The following ERBB4 variants were observed in gnomAD, a reference collection of about 807,000 sequenced individuals.
ERBB4 encodes receptor tyrosine-protein kinase erbB-4.
ERBB4 carries 42 observed loss-of-function variants against 158.0 expected under a neutral mutation model. That is an observed-to-expected ratio of 0.27 (90% CI 0.21 to 0.34). The LOEUF is 0.34. ERBB4 is among the 10% of genes least tolerant of loss of function. The pLI is 1.00. For missense variants in ERBB4, 1,333 were observed against 1,624.1 expected (o/e 0.82, Z 3.08); for synonymous variants, 583 against 558.7 (o/e 1.04, Z -0.61).
In ERBB4 at chr2:211,705,395, G is replaced by GA. The variant is rs1559438673; in HGVS notation, c.1125-5dup. ...TTCAATTGCATTGTAAGGGTCCCTAGAAAATCAAGAAGAGATGTAGCCAAA... is the reference window on the plus strand; with the variant it reads ...TTCAATTGCATTGTAAGGGTCCCTAGAAAAATCAAGAAGAGATGTAGCCAAA... On this transcript the variant is annotated splice_polypyrimidine_tract_variant and splice_region_variant and intron_variant, in intron 9 of 27. Transcript: ENST00000342788. 2 of 1,597,992 alleles carry GA rather than the reference G, an allele frequency of 1.3e-6. No individual in the cohort carries two copies. The highest frequency in any genetic ancestry group is 3.3e-5 in the Admixed American group (2 of 59,948).
At chr2:211,888,887 CG>C (rs2078882453) in intron 3 of ERBB4, among the ~76,000 whole-genome samples, 1 of 151,812 alleles carries the variant, frequency 6.6e-6, no homozygotes, top group South Asian at 2.1e-4. Flanking sequence ...ACACCTGGCT[CG>C]GAGGGTCCTA....
chr2:212,056,807 T>C (rs1456571330), intron 2 of ERBB4, among the ~76,000 whole-genome samples: 2 of 152,130 alleles, frequency 1.3e-5, no homozygotes, highest in African/African-American at 2.4e-5. Flanking sequence ...ACAACTGGTA[T>C]CAGCCACTGC....
rs1345982922 is a variant in ERBB4 at position 212,267,053 on chromosome 2, AT to A, written c.83-142151del. Among the ~76,000 whole-genome samples, 8 of 132,170 alleles carry A rather than the reference AT, an allele frequency of 6.1e-5. No homozygotes were observed. In the East Asian group the frequency reaches 1.8e-3, roughly 30 times the overall value. 86.7% of individuals were successfully genotyped at this position (132,170 alleles called of 152,430 possible). Reference sequence around the variant, plus strand: ...AATGCCTAAATATGTAGTGTAGATCATTAAATGCTACTCGGAGCTTTTCTAA... The same window carrying A: ...AATGCCTAAATATGTAGTGTAGATCATAAATGCTACTCGGAGCTTTTCTAA... On this transcript the variant is annotated intron_variant, in intron 1 of 27. Transcript: ENST00000342788.
At chr2:212,085,634 T>C (rs1336232639) in intron 2 of ERBB4, among the ~76,000 whole-genome samples, 1 of 151,918 alleles carries the variant, frequency 6.6e-6, no homozygotes, top group Non-Finnish European at 1.5e-5. Context: ...GTAATATGAA[T>C]AGATTAAAAA....
chr2:212,357,868 A>G (rs1467943682), intron 1 of ERBB4, among the ~76,000 whole-genome samples: 1 of 151,886 alleles, frequency 6.6e-6, no homozygotes, highest in Admixed American at 6.6e-5. Context: ...GGAGGTTTAG[A>G]TAATGGTCAA....
rs541371790 is a variant in ERBB4 at position 211,733,813 on chromosome 2, G to T, written c.623-8619C>A. ...TACCCACAGAAGGGCCAGGAGTGGT[G>T]GCTCACACCTATACACCTAGCATTT... On this transcript the variant is annotated intron_variant, in intron 5 of 27. Coordinates refer to ENST00000342788, the MANE Select transcript of ERBB4 (RefSeq NM_005235.3). Among the ~76,000 whole-genome samples, 8 of 151,530 alleles carry T rather than the reference G, an allele frequency of 5.3e-5. 1 individual carries two copies. The highest frequency in any genetic ancestry group is 2.0e-4 in the African/African-American group (8 of 40,862).
At position 212,134,966 on chromosome 2, in the gene ERBB4, G is replaced by A. The variant is rs181150602; in HGVS notation, c.83-10063C>T. ...CTCCCAAAGTGCTGGGATTATAGGC[G>A]TGAGCCACCGCGCCTGGCCTACTAA... On this transcript the variant is annotated intron_variant, in intron 1 of 27. Transcript: ENST00000342788. Among the ~76,000 whole-genome samples the A allele has an allele frequency of 4.6e-4, 70 of 152,206 alleles. 1 individual carries two copies. The highest frequency in any genetic ancestry group is 1.5e-3 in the African/African-American group (64 of 41,538).
At chr2:212,120,356 G>T (rs965668460) in intron 2 of ERBB4, among the ~76,000 whole-genome samples, 1 of 152,162 alleles carries the variant, frequency 6.6e-6, no homozygotes. Flanking sequence ...CCTGGCCTGT[G>T]TGTGAGGTCA....
intron 1 of ERBB4, among the ~76,000 whole-genome samples, chr2:212,330,108 A>T (rs1375343487): frequency 6.6e-6 from 1 of 152,060 alleles, no homozygotes; most frequent in African/African-American, 2.4e-5. Flanking sequence ...GAAAAGAGGG[A>T]GTTTAAGCTT....
chr2:212,266,095 C>T (rs1256730029), intron 1 of ERBB4, among the ~76,000 whole-genome samples: 1 of 151,952 alleles, frequency 6.6e-6, no homozygotes, highest in East Asian at 1.9e-4. Context: ...GCCTCCGTCT[C>T]AATTGCATGC....
chr2:211,859,404 T>A (rs1241929560), intron 3 of ERBB4, among the ~76,000 whole-genome samples: 1 of 152,202 alleles, frequency 6.6e-6, no homozygotes, highest in African/African-American at 2.4e-5. Context: ...TAGAAAAATA[T>A]TTGGATTCAC....
intron 3 of ERBB4, among the ~76,000 whole-genome samples, chr2:211,863,970 A>T (rs1430687829): frequency 6.6e-6 from 1 of 152,102 alleles, no homozygotes; most frequent in African/African-American, 2.4e-5. Context: ...GGTAGGATCC[A>T]GAGTGAGCCT....
At chr2:211,459,155 G>A (rs2064463271) in intron 20 of ERBB4, among the ~76,000 whole-genome samples, 1 of 152,050 alleles carries the variant, frequency 6.6e-6, no homozygotes, top group Non-Finnish European at 1.5e-5. Flanking sequence ...TGATTATATA[G>A]CATGCATATG....
intron 12 of ERBB4, among the ~76,000 whole-genome samples, chr2:211,679,721 C>A (rs2072256434): frequency 1.3e-5 from 2 of 151,968 alleles, no homozygotes; most frequent in African/African-American, 4.8e-5. Context: ...GCTTTGTCAC[C>A]CAGATCCAAG....
At chr2:212,013,333 G>A (rs1019592772) in intron 2 of ERBB4, among the ~76,000 whole-genome samples, 12 of 152,226 alleles carry the variant, frequency 7.9e-5, no homozygotes, top group South Asian at 6.2e-4. Context: ...AAGAAGGCAG[G>A]GATGATTAGT....
intron 14 of ERBB4, among the ~76,000 whole-genome samples, chr2:211,668,190 T>C (rs530667988): frequency 1.3e-5 from 2 of 152,306 alleles, no homozygotes; most frequent in South Asian, 4.1e-4. Context: ...ATATTATAAT[T>C]TTATGGTAAC....
chr2:212,101,907 G>T (rs6730882), intron 2 of ERBB4, among the ~76,000 whole-genome samples: 23,311 of 150,912 alleles, frequency 0.15, 3,451 homozygotes, highest in African/African-American at 0.39. Flanking sequence ...GTTTTGCTTG[G>T]GGGGGTACAT....
At chr2:211,580,860 C>T (rs60189225) in intron 19 of ERBB4, among the ~76,000 whole-genome samples, 17,775 of 73,276 alleles carry the variant, frequency 0.24, 6,107 homozygotes, top group African/African-American at 0.66. Context: ...ATATAGTATG[C>T]ATATACATAT....
intron 1 of ERBB4, among the ~76,000 whole-genome samples, chr2:212,406,767 T>C (rs1167610713): frequency 6.6e-6 from 1 of 152,116 alleles, no homozygotes; most frequent in Non-Finnish European, 1.5e-5. Context: ...AATACTTGCA[T>C]TATGAGTCCT....
Sources: gnomAD v4.1 joint callset for allele counts (sites outside exome capture counted in the v4.1 genomes callset) on GRCh38, gnomAD v4.1.1 for gene constraint, MANE v1.5 for transcripts, NCBI Gene and HGNC (gene_info 2026-07-23, HGNC 2026-07-21) for gene names.